MYLK4: variants seen among roughly 807,000 people sequenced by gnomAD.
MYLK4 encodes the protein caMLCK like.
Under a neutral mutation model 48.1 loss-of-function variants are expected in MYLK4, and 46 were observed. The ratio of observed to expected loss-of-function variants is 0.96; its 90% confidence interval spans 0.75 to 1.22. The LOEUF (loss-of-function observed/expected upper bound fraction) is 1.22, where lower values mean the gene tolerates loss of function less well. Among genes scored for constraint, MYLK4 ranks in the 50% most tolerant of loss-of-function variants. The pLI, the probability that MYLK4 is intolerant of heterozygous loss-of-function variation, is 0.00. For synonymous variants in MYLK4, 170 were observed against 180.8 expected, an observed-to-expected ratio of 0.94 and a Z score of 0.48; for missense variants, 451 against 486.1, an observed-to-expected ratio of 0.93 and a Z score of 0.68.
chr6:2,677,019 G>T (rs143102244), intron 10 of MYLK4, among the ~76,000 whole-genome samples: 181 of 152,006 alleles, frequency 1.2e-3, no homozygotes, highest in Non-Finnish European at 1.2e-3. Flanking sequence ...TTCCATCAAG[G>T]CACAATACTA....
chr6:2,742,912 T>C (rs1195820068), intron 2 of MYLK4, among the ~76,000 whole-genome samples: 5 of 152,258 alleles, frequency 3.3e-5, no homozygotes, highest in Admixed American at 6.5e-5. Flanking sequence ...GGTGTAGGGA[T>C]AGATTGTCTA....
At chr6:2,766,956 T>A in the MYLK4 span, among the ~76,000 whole-genome samples, 10 of 152,266 alleles carry the variant, frequency 6.6e-5, no homozygotes, top group Non-Finnish European at 1.2e-4. Flanking sequence ...TAAGAATAAG[T>A]TTATTTAACA....
intron 2 of MYLK4, among the ~76,000 whole-genome samples, chr6:2,726,934 T>G (rs2113309575): frequency 6.6e-6 from 1 of 152,300 alleles, no homozygotes; most frequent in East Asian, 1.9e-4. Context: ...ATTAACCAAA[T>G]GATTACCTGG....
At chr6:2,677,141 G>A (rs1761112347) in intron 10 of MYLK4, among the ~76,000 whole-genome samples, 1 of 152,088 alleles carries the variant, frequency 6.6e-6, no homozygotes, top group Non-Finnish European at 1.5e-5. Flanking sequence ...CCTTATCTTT[G>A]TGTTAACCAC....
chr6:2,745,313 A>C (rs1396222169), intron 2 of MYLK4, among the ~76,000 whole-genome samples: 1 of 152,204 alleles, frequency 6.6e-6, no homozygotes, highest in African/African-American at 2.4e-5. Context: ...ACAAAAGAAA[A>C]AAAACCCAGA....
At position 2,672,169 on chromosome 6, in the gene MYLK4, G is replaced by A. The variant is rs567476232; in HGVS notation, c.1120-821C>T. ...GGGTCAGAGGCTTCTTAGCTCTGGG[G>A]GAAAGAAAACATGTCAAATTTGTGT... is the stretch of plus-strand genomic sequence containing the variant. On this transcript the variant is annotated intron_variant, in intron 11 of 12. Transcript: ENST00000274643. This position sits in a 1 kb window ranked among gnomAD's most constrained non-coding sequence, Gnocchi z 4.3. 1.6e-4 allele frequency among the ~76,000 whole-genome samples: 24 copies of A among 152,282 alleles called. No homozygotes were observed. The highest frequency in any genetic ancestry group is 3.4e-4 in the African/African-American group (14 of 41,562).
the MYLK4 span, chr6:2,765,996 A>G: frequency 2.2e-6 from 3 of 1,379,304 alleles, no homozygotes; most frequent in Non-Finnish European, 1.9e-6. Context: ...CTTATCCCCG[A>G]CTTCCCGGTG....
chr6:2,725,555 C>CG (rs11441958), intron 2 of MYLK4, among the ~76,000 whole-genome samples: 10,836 of 87,412 alleles, frequency 0.12, 491 homozygotes, highest in Middle Eastern at 0.17. Context: ...AACAAAGAAA[C>CG]AAAGAAAGAA....
At chr6:2,766,008 C>T in the MYLK4 span, 93 of 1,352,108 alleles carry the variant, frequency 6.9e-5, no homozygotes, top group South Asian at 6.6e-4. Context: ...TTCCCGGTGG[C>T]CCGCTCCAGC....
At chr6:2,683,430 TG>T (rs1761404719) in intron 6 of MYLK4, among the ~76,000 whole-genome samples, 3 of 145,882 alleles carry the variant, frequency 2.1e-5, no homozygotes, top group Admixed American at 7.2e-5. Context: ...TGTGTGTGTG[TG>T]TGTTTTGAGA....
chr6:2,668,756 T>C (rs57196078), intron 12 of MYLK4, among the ~76,000 whole-genome samples: 71,741 of 151,874 alleles, frequency 0.47, 17,258 homozygotes, highest in Non-Finnish European at 0.52. Context: ...TTAAGTTTTA[T>C]TTATTTATTT....
At chr6:2,765,377 C>T in the MYLK4 span, 1 of 343,220 alleles carries the variant, frequency 2.9e-6, no homozygotes, top group East Asian at 5.4e-5. Flanking sequence ...GCCGCCGGGG[C>T]AAACGGCCAC....
chr6:2,725,589 A>AAGAAAAAGAAAG (rs1561868170), intron 2 of MYLK4, among the ~76,000 whole-genome samples: 100 of 145,230 alleles, frequency 6.9e-4, no homozygotes, highest in African/African-American at 2.4e-3. Flanking sequence ...AAGAAAGAGA[A>AAGAAAAAGAAAG]AGAAAGAAAG....
intron 2 of MYLK4, among the ~76,000 whole-genome samples, chr6:2,720,407 C>A (rs114073157): frequency 6.7e-5 from 10 of 149,986 alleles, no homozygotes; most frequent in Non-Finnish European, 5.9e-5. Context: ...CATCTAAAAA[C>A]AAAAAAAAAA....
At chr6:2,669,043 G>A (rs1366495871) in intron 12 of MYLK4, among the ~76,000 whole-genome samples, 2 of 152,026 alleles carry the variant, frequency 1.3e-5, no homozygotes, top group East Asian at 1.9e-4. Flanking sequence ...ACTCCAGCCT[G>A]GGTAACACAG....
chr6:2,699,287 CTTTTTTTT>C (rs56959282), intron 2 of MYLK4, among the ~76,000 whole-genome samples: 1 of 77,894 alleles, frequency 1.3e-5, no homozygotes, highest in Admixed American at 2.0e-4. Flanking sequence ...CTTTTCTTTT[CTTTTTTTT>C]TTTTTTTTTT....
At chr6:2,735,052 C>A (rs759209082) in intron 2 of MYLK4, among the ~76,000 whole-genome samples, 1 of 152,182 alleles carries the variant, frequency 6.6e-6, no homozygotes, top group Non-Finnish European at 1.5e-5. Context: ...GTAAAACAAA[C>A]AAAACTAAGT....
chr6:2,764,219 A>C, the MYLK4 span, among the ~76,000 whole-genome samples: 1 of 152,186 alleles, frequency 6.6e-6, no homozygotes, highest in Admixed American at 6.5e-5. Flanking sequence ...CGTTTCTATT[A>C]ATCTTATTTT....
At chr6:2,688,823 G>C (rs1561841281) in intron 4 of MYLK4, 28 bp downstream of exon 4, 1 of 1,569,472 alleles carries the variant, frequency 6.4e-7, no homozygotes, top group Non-Finnish European at 8.8e-7. Context: ...CTTTTGTTGA[G>C]AGAATATTAA....
Sources: gnomAD v4.1 joint callset for allele counts (sites outside exome capture counted in the v4.1 genomes callset) on GRCh38, gnomAD v4.1.1 for gene constraint, Gnocchi (gnomAD v3.1) non-coding constraint, MANE v1.5 for transcripts, NCBI Gene and HGNC (gene_info 2026-07-23, HGNC 2026-07-21) for gene names.